Variants in TRPM3 observed in about 807,000 individuals in gnomAD.
TRPM3 encodes the protein transient receptor potential cation channel subfamily M member 3.
Under a neutral mutation model 181.2 loss-of-function variants are expected in TRPM3, and 77 were observed. That is an observed-to-expected ratio of 0.42 (90% CI 0.35 to 0.51). TRPM3 has a LOEUF of 0.51. Among genes scored for constraint, TRPM3 ranks in the 20% least tolerant of loss-of-function variants. The probability of loss-of-function intolerance (pLI) is 0.01; values close to 1 mark genes in which losing one functional copy is unlikely to be tolerated. For missense variants in TRPM3, 1,759 were observed against 2,196.7 expected, an observed-to-expected ratio of 0.80 and a Z score of 3.98; for synonymous variants, 745 against 796.4, an observed-to-expected ratio of 0.94 and a Z score of 1.09.
intron 1 of TRPM3, among the ~76,000 whole-genome samples, chr9:71,420,471 G>A (rs940855140): frequency 1.3e-5 from 2 of 150,974 alleles, no homozygotes; most frequent in African/African-American, 4.9e-5. Flanking sequence ...CGAAGGCAAG[G>A]AGAAACAGAT....
At chr9:70,870,125 T>C (rs562278757) in intron 1 of TRPM3, among the ~76,000 whole-genome samples, 2 of 152,102 alleles carry the variant, frequency 1.3e-5, no homozygotes, top group African/African-American at 2.4e-5. Flanking sequence ...TTGGTTTTCA[T>C]TTTTCCGTAA....
At chr9:70,631,482 G>A (rs899921784) in intron 12 of TRPM3, among the ~76,000 whole-genome samples, 1 of 151,218 alleles carries the variant, frequency 6.6e-6, no homozygotes, top group African/African-American at 2.4e-5. Context: ...TCCTCTTTTG[G>A]TGGGGAAGGA....
At position 71,389,767 on chromosome 9, in the gene TRPM3, T is replaced by C. The variant is rs549641912; in HGVS notation, c.183+56886A>G. Among the ~76,000 whole-genome samples the C allele has an allele frequency of 2.6e-5, 4 of 152,152 alleles. No individual in the cohort carries two copies. In the East Asian group the frequency reaches 7.7e-4, roughly 29 times the overall value. ...CAAAGACCATATGTTCTCACTGATATGTGGGAGCTAAGCTATGAGGATGCA... is the reference window on the plus strand; with the variant it reads ...CAAAGACCATATGTTCTCACTGATACGTGGGAGCTAAGCTATGAGGATGCA... On this transcript the variant is annotated intron_variant, in intron 1 of 24. Transcript: ENST00000357533.
intron 8 of TRPM3, among the ~76,000 whole-genome samples, chr9:70,686,024 T>C (rs1020852557): frequency 4.0e-5 from 6 of 151,078 alleles, no homozygotes; most frequent in African/African-American, 1.5e-4. Flanking sequence ...TATGGTTAGG[T>C]ATATGTGTAT....
chr9:70,764,097 G>A (rs1313825670), intron 7 of TRPM3, among the ~76,000 whole-genome samples: 1 of 152,156 alleles, frequency 6.6e-6, no homozygotes, highest in Non-Finnish European at 1.5e-5. Context: ...GACTTCGAAG[G>A]TGACGTTATA....
chr9:71,304,762 C>G (rs1448378697), intron 1 of TRPM3, among the ~76,000 whole-genome samples: 1 of 152,110 alleles, frequency 6.6e-6, no homozygotes. Context: ...CTACAGGATA[C>G]AGTACAAGAG....
intron 1 of TRPM3, among the ~76,000 whole-genome samples, chr9:71,250,033 C>T (rs889533996): frequency 2.6e-5 from 4 of 152,156 alleles, no homozygotes; most frequent in Non-Finnish European, 5.9e-5. Flanking sequence ...GGCTTGATAA[C>T]TCCTCATTGA....
At chr9:71,226,009 TAAAAAAAAAAAA>T in intron 1 of TRPM3, among the ~76,000 whole-genome samples, 411 of 34,742 alleles carry the variant, frequency 0.012, 4 homozygotes, top group Middle Eastern at 0.05. Flanking sequence ...CAACAAAAGG[TAAAAAAAAAAAA>T]AAAAAAAAAA....
At chr9:71,118,803 G>C (rs528295586) in intron 1 of TRPM3, among the ~76,000 whole-genome samples, 2 of 152,080 alleles carry the variant, frequency 1.3e-5, no homozygotes, top group South Asian at 4.2e-4. Context: ...GGTGGAACAA[G>C]AGAGAGAAGG....
chr9:70,979,864 C>CACTTGGTGGGGAGGGGGAGAGG, intron 1 of TRPM3, among the ~76,000 whole-genome samples: 2 of 152,188 alleles, frequency 1.3e-5, no homozygotes, highest in East Asian at 3.9e-4. Flanking sequence ...ACTGTGTCCT[C>CACTTGGTGGGGAGGGGGAGAGG]ACTTGGTGGG....
intron 1 of TRPM3, among the ~76,000 whole-genome samples, chr9:71,099,638 C>T (rs967653056): frequency 2.0e-5 from 3 of 152,118 alleles, no homozygotes; most frequent in African/African-American, 7.2e-5. Context: ...GGGGCAAGCC[C>T]ATTATGCCAA....
intron 1 of TRPM3, among the ~76,000 whole-genome samples, chr9:71,168,563 T>A (rs369140768): frequency 5.6e-5 from 6 of 106,488 alleles, no homozygotes; most frequent in African/African-American, 1.4e-4. Context: ...TTTATTTATT[T>A]ATTTATTTAT....
At chr9:70,549,165 G>T (rs1322149668) in intron 25 of TRPM3, among the ~76,000 whole-genome samples, 1 of 152,180 alleles carries the variant, frequency 6.6e-6, no homozygotes, top group South Asian at 2.1e-4. Context: ...TGGAAAAGAC[G>T]TGCAATAGTC....
chr9:70,842,921 C>T, intron 5 of TRPM3, 82 bp downstream of exon 5: 3 of 1,429,166 alleles, frequency 2.1e-6, no homozygotes, highest in South Asian at 1.2e-5. Flanking sequence ...ATAATGTGCA[C>T]ATTTTGAATA....
chr9:70,972,945 A>G (rs910548943), intron 1 of TRPM3, among the ~76,000 whole-genome samples: 1 of 152,186 alleles, frequency 6.6e-6, no homozygotes, highest in African/African-American at 2.4e-5. Flanking sequence ...TAACCCCTAC[A>G]TAAGACACAC....
intron 9 of TRPM3, among the ~76,000 whole-genome samples, chr9:70,657,198 TA>T (rs3073513): frequency 0.073 from 8,514 of 117,366 alleles, 394 homozygotes; most frequent in African/African-American, 0.15. Context: ...GGGCTTGAGG[TA>T]AAAAAAAAAA....
chr9:70,968,132 A>C (rs181936566), intron 1 of TRPM3, among the ~76,000 whole-genome samples: 16 of 152,264 alleles, frequency 1.1e-4, no homozygotes. Flanking sequence ...CTTCTCACTA[A>C]GGTGCTCTTT....
intron 1 of TRPM3, among the ~76,000 whole-genome samples, chr9:71,088,460 A>G (rs2065655412): frequency 6.6e-6 from 1 of 152,106 alleles, no homozygotes; most frequent in South Asian, 2.1e-4. Flanking sequence ...GGGAACCAAC[A>G]TAATCTTTAG....
At position 70,951,931 on chromosome 9, in the gene TRPM3, G is replaced by T. The variant is rs2097006206; in HGVS notation, c.178-87420C>A. On this transcript the variant is annotated intron_variant, in intron 1 of 25. Coordinates refer to ENST00000677713, the MANE Select transcript of TRPM3 (RefSeq NM_001366145.2). Reference sequence around the variant, plus strand: ...ACTCAAGGCTGACTCTGCCAACAATGGCTGCTCTGAGGCAGACAATAATGC... The same window carrying T: ...ACTCAAGGCTGACTCTGCCAACAATTGCTGCTCTGAGGCAGACAATAATGC... 2.0e-5 allele frequency among the ~76,000 whole-genome samples: 3 copies of T among 152,236 alleles called. No individual in the cohort carries two copies. In the South Asian group the frequency reaches 6.2e-4, roughly 32 times the overall value.
Sources: gnomAD v4.1 joint callset for allele counts (sites outside exome capture counted in the v4.1 genomes callset) on GRCh38, gnomAD v4.1.1 for gene constraint, MANE v1.5 for transcripts, NCBI Gene and HGNC (gene_info 2026-07-23, HGNC 2026-07-21) for gene names.